Variants in PARP10 observed in about 807,000 individuals in gnomAD.
PARP10 encodes the protein protein mono-ADP-ribosyltransferase PARP10.
Under a neutral mutation model 82.4 loss-of-function variants are expected in PARP10, and 56 were observed. The ratio of observed to expected loss-of-function variants is 0.68; its 90% confidence interval spans 0.55 to 0.85. PARP10 has a LOEUF of 0.85. Among genes scored for constraint, PARP10 ranks in the 40% least tolerant of loss-of-function variants. PARP10 has a pLI of 0.00. For synonymous variants in PARP10, 576 were observed against 601.1 expected, an observed-to-expected ratio of 0.96 and a Z score of 0.61; for missense variants, 1,227 against 1,379.4, an observed-to-expected ratio of 0.89 and a Z score of 1.75.
intron 6 of PARP10, 50 bp downstream of exon 6, chr8:143,984,159 TG>T: frequency 1.3e-6 from 2 of 1,570,118 alleles, no homozygotes; most frequent in Non-Finnish European, 1.7e-6. Context: ...AGAGGAGGCC[TG>T]GGGCAGAGGC....
chr8:143,984,235 G>T lies in PARP10; in HGVS notation c.1655C>A (p.Ala552Asp), dbSNP rs1833931822. The T allele has an allele frequency of 6.2e-7, 1 of 1,613,924 alleles. No homozygotes were observed. Among genetic ancestry groups the T allele is most frequent in the Non-Finnish European group, 8.5e-7 (1 of 1,179,868 alleles). The stretch of plus-strand genomic sequence containing the variant: ...CTCTTCAAGGCCTGTGTCCAACGTG[G>T]CTGTGGCCAGGCGCTCTGTCCCAAA... ...CVFGTERLATATLDTGLEEVD... is the reference protein window; with the variant it reads ...CVFGTERLATDTLDTGLEEVD... The change falls in exon 6 of 11, where the codon GCC (alanine) becomes GAC (aspartate). Residue 552 changes from alanine (A) to aspartate (D), a missense_variant. Physicochemically the swap from Ala to Asp is moderately radical, Grantham distance 126. Transcript: ENST00000313028.
chr8:144,012,082 C>T (rs1216617875), intron 1 of PARP10, among the ~76,000 whole-genome samples: 1 of 152,240 alleles, frequency 6.6e-6, no homozygotes, highest in Non-Finnish European at 1.5e-5. Context: ...GAACGTGTTA[C>T]AATCCCTGAC....
intron 5 of PARP10, 50 bp downstream of exon 5, chr8:143,984,494 C>T: frequency 6.3e-7 from 1 of 1,590,016 alleles, no homozygotes; most frequent in Non-Finnish European, 8.6e-7. Context: ...ACTTTGAGTC[C>T]CCAGTAGGAG....
Position 143,977,820 on chromosome 8 carries a change from G to T in PARP10, c.2742C>A (p.Tyr914Ter). 1 of 1,598,562 alleles carries T rather than the reference G, an allele frequency of 6.3e-7. No individual in the cohort carries two copies. Among genetic ancestry groups the T allele is most frequent in the South Asian group, 1.1e-5 (1 of 89,704 alleles). ...RSFCGRNATV[Y>*]GKGVYFARRA... is the part of the protein sequence containing the mutation. The stretch of plus-strand genomic sequence containing the variant: ...GCCTGGCGAAATACACGCCCTTCCC[G>T]TAGACCGTGGCTGCAGGGCGAGACG... The change falls in exon 11 of 11, where the codon TAC (tyrosine) becomes TAA (stop). Residue 914 changes from tyrosine to a stop codon, truncating the protein, a stop_gained. Transcript: ENST00000313028. LOFTEE classifies it low-confidence loss of function (END_TRUNC).
At chr8:143,992,776 C>T, upstream of PARP10, 1 of 1,613,834 alleles carries the variant, frequency 6.2e-7, no homozygotes, top group Non-Finnish European at 8.5e-7. Context: ...TGCGCTGAAC[C>T]TGTACACAGA....
upstream of PARP10, among the ~76,000 whole-genome samples, chr8:143,988,090 C>T (rs1437521425): frequency 6.7e-6 from 1 of 149,682 alleles, no homozygotes; most frequent in Non-Finnish European, 1.5e-5. Flanking sequence ...CTCTGCTTGG[C>T]CCTACCTTCC....
Position 143,986,209 on chromosome 8 carries a change from T to C in PARP10, c.27A>G (p.Ala9=). The part of the protein sequence containing the change: MVAMAEAE[A]GVAVEVRGLP... The stretch of plus-strand genomic sequence containing the variant: ...GTCCACGGACCTCCACTGCCACCCC[T>C]GCCTCTGCCTCCGCCATTGCAACCC... The change falls in exon 2 of 11, where the codon GCA becomes GCG. Residue 9 remains alanine (A), a synonymous_variant. Coordinates refer to ENST00000313028, the MANE Select transcript of PARP10 (RefSeq NM_032789.5). 1 of 1,613,950 alleles carries C rather than the reference T, an allele frequency of 6.2e-7. No individual in the cohort carries two copies. Among genetic ancestry groups the C allele is most frequent in the South Asian group, 1.1e-5 (1 of 91,084 alleles).
upstream of PARP10, chr8:143,991,553 C>T (rs782477140): frequency 7.0e-6 from 11 of 1,580,434 alleles, no homozygotes; most frequent in South Asian, 7.8e-5. Context: ...GCCCCTTCCC[C>T]CCCAACCCCT....
upstream of PARP10, among the ~76,000 whole-genome samples, chr8:143,993,795 C>T (rs1554750984): frequency 6.6e-6 from 1 of 152,260 alleles, no homozygotes; most frequent in African/African-American, 2.4e-5. Flanking sequence ...TGGGCCTCCC[C>T]AGCTCTGTGC....
chr8:143,991,449 C>G, upstream of PARP10: 1 of 1,478,304 alleles, frequency 6.8e-7, no homozygotes, highest in Non-Finnish European at 9.0e-7. Flanking sequence ...TCCCTACCCC[C>G]AAGGGGGCTA....
Position 143,977,981 on chromosome 8 carries a change from T to A in PARP10, c.2657A>T (p.Tyr886Phe). The change falls in exon 10 of 11, where the codon TAC (tyrosine) becomes TTC (phenylalanine). Residue 886 changes from tyrosine (Y) to phenylalanine (F), a missense_variant. Physicochemically the swap from Tyr to Phe is conservative, Grantham distance 22 (BLOSUM62 3). Transcript: ENST00000313028. Reference sequence around the variant, plus strand: ...CACTGCCGGTGCCGTCGTGCCGTGGTACAGCACCTGCTCCACCGGGCGCCG... The same window carrying A: ...CACTGCCGGTGCCGTCGTGCCGTGGAACAGCACCTGCTCCACCGGGCGCCG... ...CERRPVEQVL[Y>F]HGTTAPAVPD... is the part of the protein sequence containing the mutation. 1 of 1,598,100 alleles carries A rather than the reference T, an allele frequency of 6.3e-7. No homozygotes were observed. The highest frequency in any genetic ancestry group is 8.5e-7 in the Non-Finnish European group (1 of 1,178,680).
upstream of PARP10, chr8:143,986,679 G>A: frequency 1.9e-6 from 1 of 524,352 alleles, no homozygotes; most frequent in South Asian, 2.3e-5. Flanking sequence ...GTAGACAGGA[G>A]TGTCCCCTGG....
intron 1 of PARP10, among the ~76,000 whole-genome samples, chr8:144,000,561 C>T (rs1405313206): frequency 6.6e-6 from 1 of 152,086 alleles, no homozygotes; most frequent in Non-Finnish European, 1.5e-5. Context: ...ACCTGGGAGG[C>T]GGAGCTTGCA....
At chr8:143,995,983 G>A (rs11990215), upstream of PARP10, among the ~76,000 whole-genome samples, 67,515 of 152,024 alleles carry the variant, frequency 0.44, 16,070 homozygotes, top group African/African-American at 0.6. Context: ...GAGATTCCCA[G>A]TTGCAGAATG....
chr8:143,978,286 C>A (rs1833761104), intron 9 of PARP10, among the ~76,000 whole-genome samples: 1 of 152,140 alleles, frequency 6.6e-6, no homozygotes, highest in Non-Finnish European at 1.5e-5. Context: ...GCTGGGGAGG[C>A]CTGACCCCTC....
intron 1 of PARP10, among the ~76,000 whole-genome samples, chr8:144,007,011 GC>G (rs1428751918): frequency 6.6e-6 from 1 of 151,990 alleles, no homozygotes; most frequent in Non-Finnish European, 1.5e-5. Context: ...CCTGAATGCC[GC>G]CCCCCTGCTC....
intron 8 of PARP10, 47 bp from the exon 9 acceptor site, chr8:143,983,112 T>C (rs1280189230): frequency 6.2e-7 from 1 of 1,612,878 alleles, no homozygotes; most frequent in Non-Finnish European, 8.5e-7. Flanking sequence ...CCTGGGGCAC[T>C]AGCCCCTGCT....
At chr8:143,986,309 G>A in intron 1 of PARP10, 49 bp downstream of exon 1, 1 of 1,614,054 alleles carries the variant, frequency 6.2e-7, no homozygotes, top group Non-Finnish European at 8.5e-7. Flanking sequence ...CCTCCAAGGT[G>A]TGTCCTCAAT....
upstream of PARP10, chr8:143,993,219 T>G (rs978147055): frequency 7.8e-6 from 2 of 256,306 alleles, no homozygotes; most frequent in Non-Finnish European, 1.5e-5. Context: ...CTGTCCCAGC[T>G]CCCCAGCCTG....
Sources: allele counts gnomAD v4.1 joint callset (sites outside exome capture counted in the v4.1 genomes callset), GRCh38; gene constraint gnomAD v4.1.1; transcripts MANE v1.5; gene names NCBI Gene and HGNC (gene_info 2026-07-23, HGNC 2026-07-21).